Variants in TCF7L1 observed in about 807,000 individuals in gnomAD.
TCF7L1 encodes transcription factor 7-like 1.
In TCF7L1, 18 loss-of-function variants were observed where a neutral mutation model predicts 63.7. The observed-to-expected ratio is 0.28, with a 90% CI of 0.20 to 0.42. The LOEUF (loss-of-function observed/expected upper bound fraction) is 0.42. TCF7L1 is among the 10% of genes least tolerant of loss of function. The pLI is 1.00. For synonymous variants in TCF7L1, 355 were observed against 340.9 expected, an observed-to-expected ratio of 1.04 and a Z score of -0.46; for missense variants, 654 against 779.3, an observed-to-expected ratio of 0.84 and a Z score of 1.91.
In TCF7L1 at chr2:85,309,391, C is replaced by T; in HGVS notation, c.1696C>T (p.Leu566Phe). 1 of 1,597,840 alleles carries T rather than the reference C, an allele frequency of 6.3e-7. No homozygotes were observed. ...LASPPSFPAT[L>F]HAHQALPVLQ... is the part of the protein sequence containing the mutation. ...CTCTCCCCCGTCCTTCCCCGCCACG[C>T]TCCATGCCCACCAGGCCCTCCCGGT... The change falls in exon 12 of 12, where the codon CTC becomes TTC. Residue 566 changes from leucine to phenylalanine, a missense_variant. Transcript: ENST00000282111.
At chr2:85,171,913 C>A (rs1678550313) in intron 3 of TCF7L1, among the ~76,000 whole-genome samples, 1 of 152,038 alleles carries the variant, frequency 6.6e-6, no homozygotes, top group African/African-American at 2.4e-5. Flanking sequence ...GATAACCATT[C>A]CCATCTTCCC....
At chr2:85,248,531 C>T (rs944878648) in intron 3 of TCF7L1, among the ~76,000 whole-genome samples, 12 of 152,144 alleles carry the variant, frequency 7.9e-5, no homozygotes, top group East Asian at 1.9e-4. Context: ...CTAGCCTTCC[C>T]GTCCCACTTA....
chr2:85,186,088 T>C (rs574818136), intron 3 of TCF7L1, among the ~76,000 whole-genome samples: 8 of 148,066 alleles, frequency 5.4e-5, no homozygotes, highest in Non-Finnish European at 1.2e-4. Context: ...TGCCTCAGCC[T>C]CCCGAGTAGC....
chr2:85,294,847 A>G (rs1681806750), intron 4 of TCF7L1, among the ~76,000 whole-genome samples: 1 of 152,086 alleles, frequency 6.6e-6, no homozygotes, highest in African/African-American at 2.4e-5. Flanking sequence ...AGCCTGGGCA[A>G]CATAGTGCGA....
At chr2:85,308,447 CTT>C (rs1573037157) in intron 11 of TCF7L1, among the ~76,000 whole-genome samples, 35 of 62,394 alleles carry the variant, frequency 5.6e-4, no homozygotes, top group African/African-American at 1.1e-3. Flanking sequence ...CTCCCTTTCT[CTT>C]TCCCTCCCTC....
intron 3 of TCF7L1, among the ~76,000 whole-genome samples, chr2:85,261,126 GT>G (rs1558649398): frequency 0.083 from 8,910 of 106,774 alleles, 320 homozygotes; most frequent in African/African-American, 0.14. Flanking sequence ...TATTGCTGGT[GT>G]GTGTGTGTGT....
chr2:85,168,480 C>CCT (rs745994057), intron 3 of TCF7L1, among the ~76,000 whole-genome samples: 3 of 152,104 alleles, frequency 2.0e-5, no homozygotes, highest in Non-Finnish European at 4.4e-5. Flanking sequence ...GAGGGGGACA[C>CCT]CTCAGGTGGT....
intron 3 of TCF7L1, among the ~76,000 whole-genome samples, chr2:85,254,053 C>G (rs1680650409): frequency 1.3e-5 from 2 of 152,230 alleles, no homozygotes; most frequent in East Asian, 3.8e-4. Context: ...ATGAAGGGCT[C>G]ATGGCCTGGA....
rs535187713 is a variant in TCF7L1 at position 85,304,227 on chromosome 2, T to C, written c.762-28T>C. The stretch of plus-strand genomic sequence containing the variant: ...TCCTCTGCCCTGAGCTTTCCCAATA[T>C]GCTGACCAGATTTCCTCCCCCTCAC... On this transcript the variant is annotated intron_variant, in intron 6 of 11. Transcript: ENST00000282111. 7 of 1,605,612 alleles carry C rather than the reference T, an allele frequency of 4.4e-6. No homozygotes were observed. The Admixed American group carries it at 6.7e-5, about 15-fold the overall frequency.
intron 3 of TCF7L1, among the ~76,000 whole-genome samples, chr2:85,180,094 G>A (rs1029724102): frequency 1.8e-4 from 27 of 152,192 alleles, no homozygotes; most frequent in Non-Finnish European, 3.5e-4. Context: ...GTTGGAGAAA[G>A]GGGCAGGGGG....
intron 3 of TCF7L1, among the ~76,000 whole-genome samples, chr2:85,213,049 G>A (rs1679611029): frequency 6.6e-6 from 1 of 151,696 alleles, no homozygotes. Context: ...GTGAGAAGGG[G>A]TTGTGCAAGA....
intron 3 of TCF7L1, among the ~76,000 whole-genome samples, chr2:85,222,289 C>T (rs565823125): frequency 9.3e-5 from 14 of 150,174 alleles, no homozygotes; most frequent in South Asian, 2.1e-4. Flanking sequence ...TGCAGTGAGC[C>T]GAGATTGGCC....
intron 11 of TCF7L1, 34 bp from the exon 12 acceptor site, chr2:85,308,995 T>C (rs767312151): frequency 1.3e-6 from 2 of 1,554,314 alleles, no homozygotes; most frequent in Non-Finnish European, 1.7e-6. Flanking sequence ...CACAGAGCTA[T>C]AGCTGCTCAC....
intron 4 of TCF7L1, among the ~76,000 whole-genome samples, chr2:85,302,077 G>A (rs779937037): frequency 4.2e-4 from 64 of 151,954 alleles, no homozygotes; most frequent in Admixed American, 1.6e-3. Flanking sequence ...GCAGTGAGCC[G>A]AGATCATGCT....
intron 3 of TCF7L1, among the ~76,000 whole-genome samples, chr2:85,178,845 G>A (rs1678736033): frequency 6.6e-6 from 1 of 152,112 alleles, no homozygotes; most frequent in Non-Finnish European, 1.5e-5. Flanking sequence ...GTCTCAAGGT[G>A]GGGGTCACTT....
intron 4 of TCF7L1, among the ~76,000 whole-genome samples, chr2:85,283,841 C>T (rs1057463058): frequency 3.9e-5 from 6 of 152,208 alleles, no homozygotes; most frequent in Non-Finnish European, 4.4e-5. Flanking sequence ...TGGTTCATCA[C>T]AGAAGCCTGC....
chr2:85,287,447 GTTCC>G (rs1681589876), intron 4 of TCF7L1, among the ~76,000 whole-genome samples: 1 of 152,156 alleles, frequency 6.6e-6, no homozygotes, highest in Non-Finnish European at 1.5e-5. Flanking sequence ...TACACCCGTA[GTTCC>G]AACTGCCAAA....
intron 3 of TCF7L1, among the ~76,000 whole-genome samples, chr2:85,194,821 T>C (rs1430057196): frequency 2.6e-5 from 4 of 152,220 alleles, no homozygotes; most frequent in Admixed American, 2.6e-4. Context: ...CAGCAGCTGC[T>C]GTGGAGTCTC....
chr2:85,140,621 G>A (rs368454342), intron 3 of TCF7L1, among the ~76,000 whole-genome samples: 1 of 4,884 alleles, frequency 2.0e-4, no homozygotes, highest in Non-Finnish European at 3.1e-4. Context: ...AAACACAGTG[G>A]AAACCCTGTC....
Sources: gnomAD v4.1 joint callset for allele counts (sites outside exome capture counted in the v4.1 genomes callset) on GRCh38, gnomAD v4.1.1 for gene constraint, MANE v1.5 for transcripts, NCBI Gene and HGNC (gene_info 2026-07-23, HGNC 2026-07-21) for gene names.